NRG1: variants seen among roughly 807,000 people sequenced by gnomAD.
The protein encoded by NRG1 is pro-neuregulin-1, membrane-bound isoform.
NRG1 carries 18 observed loss-of-function variants against 63.8 expected under a neutral mutation model. That is an observed-to-expected ratio of 0.28 (90% confidence interval 0.19 to 0.42). The LOEUF (loss-of-function observed/expected upper bound fraction) is 0.42, where lower values mean the gene tolerates loss of function less well. Ranked by LOEUF, NRG1 falls within the 10% of genes least tolerant of loss-of-function variation. The pLI is 1.00. For synonymous variants in NRG1, 302 were observed against 301.3 expected (o/e 1.00, Z -0.02); for missense variants, 762 against 814.7 (o/e 0.94, Z 0.79).
At chr8:31,680,931 G>A (rs1808276376) in intron 1 of NRG1, among the ~76,000 whole-genome samples, 1 of 152,188 alleles carries the variant, frequency 6.6e-6, no homozygotes, top group African/African-American at 2.4e-5. Flanking sequence ...TTAAAACTGT[G>A]TACTACTATA....
At chr8:32,134,446 A>G (rs903351851) in intron 1 of NRG1, among the ~76,000 whole-genome samples, 6 of 152,164 alleles carry the variant, frequency 3.9e-5, no homozygotes, top group Non-Finnish European at 8.8e-5. Context: ...ACCAGAAGAT[A>G]ATAAAAAGAA....
At chr8:32,354,814 AC>A (rs1806146726) in intron 1 of NRG1, among the ~76,000 whole-genome samples, 4 of 150,212 alleles carry the variant, frequency 2.7e-5, no homozygotes, top group South Asian at 4.2e-4. Context: ...AAAAAAAAAA[AC>A]ATATAACATA....
At chr8:31,707,282 A>G (rs978139025) in intron 1 of NRG1, among the ~76,000 whole-genome samples, 5 of 152,040 alleles carry the variant, frequency 3.3e-5, no homozygotes, top group African/African-American at 1.2e-4. Flanking sequence ...CTGATGTAAG[A>G]TATTACCCTT....
intron 1 of NRG1, among the ~76,000 whole-genome samples, chr8:32,298,980 T>C (rs1268301464): frequency 3.1e-5 from 4 of 129,926 alleles, no homozygotes; most frequent in African/African-American, 1.2e-4. Context: ...TGAGCCAAGA[T>C]GGTGCCAATG....
At chr8:31,867,554 G>A (rs1829073459) in intron 1 of NRG1, among the ~76,000 whole-genome samples, 1 of 150,236 alleles carries the variant, frequency 6.7e-6, no homozygotes, top group Admixed American at 6.7e-5. Flanking sequence ...CATAATTCAA[G>A]GTGGGTCTTG....
intron 1 of NRG1, among the ~76,000 whole-genome samples, chr8:31,978,077 T>C (rs986273281): frequency 1.3e-5 from 2 of 152,134 alleles, no homozygotes; most frequent in African/African-American, 4.8e-5. Flanking sequence ...AATGGATTCC[T>C]AATGAATTCC....
chr8:32,472,235 A>G (rs1823938936), intron 1 of NRG1, among the ~76,000 whole-genome samples: 1 of 152,160 alleles, frequency 6.6e-6, no homozygotes, highest in East Asian at 1.9e-4. Flanking sequence ...CAGTGGCGCG[A>G]TATCAACTCA....
At chr8:32,027,432 C>T (rs1563695790) in intron 1 of NRG1, among the ~76,000 whole-genome samples, 1 of 120,322 alleles carries the variant, frequency 8.3e-6, no homozygotes, top group African/African-American at 3.6e-5. Context: ...TTCCTTCCTT[C>T]CTTCCTTCCT....
chr8:32,358,126 C>A (rs7825007), intron 1 of NRG1, among the ~76,000 whole-genome samples: 2 of 152,074 alleles, frequency 1.3e-5, no homozygotes, highest in Non-Finnish European at 2.9e-5. Flanking sequence ...AGCTTTCCTG[C>A]ATTCCTAGAA....
In NRG1 at chr8:32,742,682, A is replaced by C. The variant is rs756105629; in HGVS notation, c.640A>C (p.Asn214His). 1 of 1,613,494 alleles carries C rather than the reference A, an allele frequency of 6.2e-7. No individual in the cohort carries two copies. Among genetic ancestry groups the C allele is most frequent in the East Asian group, 2.2e-5 (1 of 44,882 alleles). Residue 214 changes from asparagine (N) to histidine (H), a missense_variant, in exon 7 of 12, where the codon AAT (asparagine) becomes CAT (histidine). By Grantham distance (68) the Asn-to-His change is moderately conservative. Transcript: ENST00000356819. This position sits in a 1 kb window ranked among gnomAD's most constrained non-coding sequence, Gnocchi z 4.2. ...TTTTGTTTCTTCTCTCAGGTGCCCAAATGAGTTTACTGGTGATCGCTGCCA... is the reference window on the plus strand; with the variant it reads ...TTTTGTTTCTTCTCTCAGGTGCCCACATGAGTTTACTGGTGATCGCTGCCA...
chr8:32,033,052 A>C (rs1443381980), intron 1 of NRG1, among the ~76,000 whole-genome samples: 1 of 149,684 alleles, frequency 6.7e-6, no homozygotes, highest in East Asian at 2.0e-4. Context: ...TGTTTTTGTC[A>C]GGTTTGTCAA....
At chr8:32,233,275 A>T (rs935710640) in intron 1 of NRG1, among the ~76,000 whole-genome samples, 16 of 151,422 alleles carry the variant, frequency 1.1e-4, no homozygotes, top group African/African-American at 2.7e-4. Flanking sequence ...CTAATTTTTT[A>T]AAAATTTCCT....
intron 1 of NRG1, among the ~76,000 whole-genome samples, chr8:31,782,710 G>T (rs1216128816): frequency 6.6e-6 from 1 of 152,158 alleles, no homozygotes; most frequent in Admixed American, 6.6e-5. Context: ...AACTATCCAT[G>T]AACCCAACGC....
intron 1 of NRG1, among the ~76,000 whole-genome samples, chr8:31,688,279 T>G (rs1001540155): frequency 3.3e-5 from 5 of 152,176 alleles, no homozygotes; most frequent in African/African-American, 4.8e-5. Context: ...TATTAGATCA[T>G]GAGGGTAAGG....
intron 1 of NRG1, among the ~76,000 whole-genome samples, chr8:32,090,266 T>C (rs1828912991): frequency 6.6e-6 from 1 of 152,194 alleles, no homozygotes; most frequent in Admixed American, 6.5e-5. Context: ...CTTATTAACT[T>C]TGATTTTGTT....
At chr8:32,467,311 C>T (rs1459925224) in intron 1 of NRG1, among the ~76,000 whole-genome samples, 3 of 152,088 alleles carry the variant, frequency 2.0e-5, no homozygotes, top group South Asian at 2.1e-4. Context: ...GAAGAAAGCT[C>T]GTCTCCATCA....
At chr8:32,021,356 A>G (rs2130221968) in intron 1 of NRG1, among the ~76,000 whole-genome samples, 1 of 152,342 alleles carries the variant, frequency 6.6e-6, no homozygotes, top group Middle Eastern at 3.4e-3. Context: ...ACATGTGTGA[A>G]GAGGGGAAAG....
At chr8:32,663,071 A>G (rs1803274257) in intron 5 of NRG1, among the ~76,000 whole-genome samples, 1 of 152,220 alleles carries the variant, frequency 6.6e-6, no homozygotes, top group African/African-American at 2.4e-5. Context: ...TGATGATGGA[A>G]TGAAGTCCCA....
intron 1 of NRG1, among the ~76,000 whole-genome samples, chr8:32,428,196 G>A (rs1472159559): frequency 2.6e-5 from 4 of 152,106 alleles, no homozygotes; most frequent in Non-Finnish European, 4.4e-5. Flanking sequence ...CTCCCATTTC[G>A]GTGGTAAAGC....
Sources: gnomAD v4.1 joint callset for allele counts (sites outside exome capture counted in the v4.1 genomes callset) on GRCh38, gnomAD v4.1.1 for gene constraint, Gnocchi (gnomAD v3.1) non-coding constraint, MANE v1.5 for transcripts, NCBI Gene and HGNC (gene_info 2026-07-23, HGNC 2026-07-21) for gene names.